Variants in ADGRL2 observed in about 807,000 individuals in gnomAD.
ADGRL2 encodes the protein adhesion G protein-coupled receptor L2.
ADGRL2 carries 44 observed loss-of-function variants against 157.4 expected under a neutral mutation model. The ratio of observed to expected loss-of-function variants is 0.28; its 90% CI spans 0.22 to 0.36. The LOEUF (loss-of-function observed/expected upper bound fraction) is 0.36, where lower values mean the gene tolerates loss of function less well. ADGRL2 is among the 10% of genes least tolerant of loss of function. The probability of loss-of-function intolerance (pLI) is 1.00; values close to 1 mark genes in which losing one functional copy is unlikely to be tolerated. For missense variants in ADGRL2, 1,510 were observed against 1,768.9 expected (o/e 0.85, Z 2.63); for synonymous variants, 585 against 624.7 (o/e 0.94, Z 0.95).
At chr1:81,944,079 T>C (rs1648971942) in intron 6 of ADGRL2, among the ~76,000 whole-genome samples, 1 of 152,026 alleles carries the variant, frequency 6.6e-6, no homozygotes, top group African/African-American at 2.4e-5. Flanking sequence ...ACTTGACTGC[T>C]GAATTGATTA....
rs141062723 is a variant in ADGRL2 at position 81,432,374 on chromosome 1, T to C, written c.-301-12662T>C. 9.4e-3 allele frequency among the ~76,000 whole-genome samples: 1,436 copies of C among 152,248 alleles called. 24 individuals carry two copies. The highest frequency in any genetic ancestry group is 0.056 in the South Asian group (272 of 4,820). Reference sequence around the variant, plus strand: ...CTGTCTTGATGTTTTCTTCTTGGAGTTGGATGTTGTCAAGGATTCAGATGA... The same window carrying C: ...CTGTCTTGATGTTTTCTTCTTGGAGCTGGATGTTGTCAAGGATTCAGATGA... On this transcript the variant is annotated intron_variant, in intron 1 of 24. Transcript: ENST00000370721.
intron 1 of ADGRL2, among the ~76,000 whole-genome samples, chr1:81,755,439 G>A (rs1300836953): frequency 1.3e-5 from 2 of 151,994 alleles, no homozygotes; most frequent in Non-Finnish European, 2.9e-5. Flanking sequence ...GATAAGAACA[G>A]AAGAGTTAAC....
chr1:81,826,672 G>T (rs2091510431), intron 1 of ADGRL2, among the ~76,000 whole-genome samples: 1 of 152,142 alleles, frequency 6.6e-6, no homozygotes, highest in African/African-American at 2.4e-5. Context: ...CATGAGCCAG[G>T]ATGGGAAGGG....
At position 81,952,029 on chromosome 1, in the gene ADGRL2, G is replaced by A; in HGVS notation, c.1681G>A (p.Gly561Arg). The change falls in exon 9 of 24, where the codon GGG becomes AGG. Residue 561 changes from glycine (G) to arginine (R), a missense_variant. Gly to Arg is a moderately radical substitution (Grantham distance 125). Around this residue, in one of 4 missense-constraint regions of ADGRL2, gnomAD observed 325 missense variants for 333.2 expected, o/e 0.98. Coordinates refer to ENST00000686636, the MANE Select transcript of ADGRL2 (RefSeq NM_001366006.2). ...ACATACCAAAGGGCCAGTGTTTGCT[G>A]GGGATGTAAGTTCTTCAGTGAGATT... ...AKHTKGPVFA[G>R]DVSSSVRLME... 6.2e-7 allele frequency: 1 copy of A among 1,613,772 alleles called. No homozygotes were observed.
At chr1:81,480,837 T>C (rs1291910335) in intron 2 of ADGRL2, among the ~76,000 whole-genome samples, 1 of 152,168 alleles carries the variant, frequency 6.6e-6, no homozygotes, top group Non-Finnish European at 1.5e-5. Context: ...AGCACCCACA[T>C]TCAACCATAT....
intron 2 of ADGRL2, among the ~76,000 whole-genome samples, chr1:81,461,993 G>A (rs941151663): frequency 2.0e-5 from 3 of 150,032 alleles, no homozygotes; most frequent in Non-Finnish European, 4.4e-5. Flanking sequence ...AGAGTGACAT[G>A]TGAAGCCAGC....
chr1:81,546,388 A>T (rs188013786), intron 2 of ADGRL2, among the ~76,000 whole-genome samples: 22 of 152,296 alleles, frequency 1.4e-4, no homozygotes, highest in Non-Finnish European at 2.5e-4. Context: ...AAGGTTTCTC[A>T]ATTAGATAGT....
chr1:81,426,880 A>T, intron 1 of ADGRL2: 1 of 642,460 alleles, frequency 1.6e-6, no homozygotes, highest in Non-Finnish European at 2.9e-6. Flanking sequence ...ATATAATTTG[A>T]GACTACTTTG....
intron 3 of ADGRL2, among the ~76,000 whole-genome samples, chr1:81,658,250 C>A (rs1200965562): frequency 1.3e-5 from 2 of 152,176 alleles, no homozygotes; most frequent in South Asian, 2.1e-4. Flanking sequence ...CACGTGCCAC[C>A]GCGCTCAGCT....
At chr1:81,650,515 G>A (rs960301268) in intron 3 of ADGRL2, among the ~76,000 whole-genome samples, 2 of 150,526 alleles carry the variant, frequency 1.3e-5, no homozygotes, top group Non-Finnish European at 2.9e-5. Context: ...GGTGGAGGTT[G>A]CAGTGAGCTG....
chr1:81,824,884 T>C (rs1275577403), intron 1 of ADGRL2, among the ~76,000 whole-genome samples: 1 of 152,094 alleles, frequency 6.6e-6, no homozygotes, highest in East Asian at 1.9e-4. Flanking sequence ...GAAACAGTGC[T>C]GAATTAAGTA....
At chr1:81,662,557 C>CT (rs2082673808) in intron 3 of ADGRL2, among the ~76,000 whole-genome samples, 4 of 146,784 alleles carry the variant, frequency 2.7e-5, no homozygotes, top group East Asian at 4.2e-4. Flanking sequence ...TTCATTCTTT[C>CT]TTTTTTTTTC....
intron 2 of ADGRL2, among the ~76,000 whole-genome samples, chr1:81,504,067 A>G (rs2148034117): frequency 6.6e-6 from 1 of 152,186 alleles, no homozygotes; most frequent in East Asian, 1.9e-4. Flanking sequence ...TCCCCCTTCT[A>G]ATGGTCTGAA....
At chr1:81,732,815 G>A (rs1470874430) in intron 1 of ADGRL2, among the ~76,000 whole-genome samples, 1 of 151,988 alleles carries the variant, frequency 6.6e-6, no homozygotes, top group Non-Finnish European at 1.5e-5. Flanking sequence ...TATGTCTTAA[G>A]ACTTTTATTT....
chr1:81,979,755 T>TA (rs967509140), intron 17 of ADGRL2, 114 bp from the exon 18 acceptor site: 55 of 616,438 alleles, frequency 8.9e-5, no homozygotes, highest in Non-Finnish European at 1.3e-4. Flanking sequence ...ATTGCATACA[T>TA]AAAAAAAATT....
At chr1:81,704,734 T>C (rs1277199627) in intron 1 of ADGRL2, among the ~76,000 whole-genome samples, 1 of 152,224 alleles carries the variant, frequency 6.6e-6, no homozygotes, top group East Asian at 1.9e-4. Context: ...GGAATGAAAC[T>C]CACCTTAATT....
chr1:81,884,727 A>G (rs1164037097), intron 2 of ADGRL2, among the ~76,000 whole-genome samples: 1 of 152,224 alleles, frequency 6.6e-6, no homozygotes, highest in Non-Finnish European at 1.5e-5. Context: ...CCCCATACTG[A>G]GTTTAAGTAA....
rs140390518 is a variant in ADGRL2 at position 81,913,817 on chromosome 1, C to T, written c.287+6587C>T. 5.8e-3 allele frequency among the ~76,000 whole-genome samples: 880 copies of T among 152,196 alleles called. 5 individuals carry two copies. The highest frequency in any genetic ancestry group is 0.02 in the African/African-American group (834 of 41,532). On this transcript the variant is annotated intron_variant, in intron 3 of 23. Coordinates refer to ENST00000686636, the MANE Select transcript of ADGRL2 (RefSeq NM_001366006.2). ...TTCCACAGGGGCTGAAACCTCAAAT[C>T]GCCTGTACCTAGAACCTCATTCATT...
chr1:81,919,508 G>A (rs2094931964), intron 3 of ADGRL2, among the ~76,000 whole-genome samples: 1 of 150,960 alleles, frequency 6.6e-6, no homozygotes, highest in Admixed American at 6.6e-5. Context: ...TAGTAATGGT[G>A]TTTCTGTTAG....
Sources: gnomAD v4.1 joint callset for allele counts (sites outside exome capture counted in the v4.1 genomes callset) on GRCh38, gnomAD v4.1.1 for gene constraint, gnomAD v4.1.1 regional missense constraint, MANE v1.5 for transcripts, NCBI Gene and HGNC (gene_info 2026-07-23, HGNC 2026-07-21) for gene names.